QRFP: variants seen among roughly 807,000 people sequenced by gnomAD.
QRFP encodes the protein orexigenic neuropeptide QRFP.
Under a neutral mutation model 9.1 loss-of-function variants are expected in QRFP, and 7 were observed. That is an observed-to-expected ratio of 0.77 (90% CI 0.44 to 1.45). The LOEUF (loss-of-function observed/expected upper bound fraction) is 1.45. QRFP is among the 40% of genes most tolerant of loss of function. The pLI is 0.01. For missense variants in QRFP, 204 were observed against 185.4 expected (o/e 1.10, Z -0.58); for synonymous variants, 91 against 80.2 (o/e 1.13, Z -0.72).
intron 1 of QRFP, among the ~76,000 whole-genome samples, chr9:130,896,323 C>T (rs1831759231): frequency 6.6e-6 from 1 of 152,224 alleles, no homozygotes; most frequent in African/African-American, 2.4e-5. Context: ...CGGCAGATGC[C>T]CAGGACAGCA....
chr9:130,893,204 G>A lies in QRFP; in HGVS notation c.*224C>T, dbSNP rs916533480. The A allele has an allele frequency of 3.3e-4, 140 of 423,508 alleles. No homozygotes were observed. The highest frequency in any genetic ancestry group is 1.2e-3 in the Middle Eastern group (2 of 1,632). The allele number at this position is 423,508 out of a possible 1,614,324, so 26.2% of individuals were successfully genotyped here. A position where few individuals can be genotyped will look rare whatever the true frequency, so the allele number is the denominator to read the frequency against. Reference sequence around the variant, plus strand: ...GGGGAAGAGAGAGGCTGGGACGACCGAGGCTCCAAGACAGCCTCCTTTTTG... The same window carrying A: ...GGGGAAGAGAGAGGCTGGGACGACCAAGGCTCCAAGACAGCCTCCTTTTTG... On this transcript the variant is annotated 3_prime_UTR_variant, in exon 3 of 3. Coordinates refer to ENST00000623824, the MANE Select transcript of QRFP (RefSeq NM_198180.3).
rs201775271 is a variant in QRFP, at chr9:130,893,562, C to T, written c.277G>A (p.Glu93Lys). ...GCRFRFGRQDEGSEATGFLPA... is the reference protein window; with the variant it reads ...GCRFRFGRQDKGSEATGFLPA... The stretch of plus-strand genomic sequence containing the variant: ...AGGAAGCCGGTGGCCTCACTGCCTT[C>T]GTCCTGCCTCCCGAAGCGGAATCTG... The change falls in exon 3 of 3, where the codon GAA becomes AAA. Residue 93 changes from glutamate to lysine, a missense_variant. Glu to Lys is a moderately conservative substitution (Grantham distance 56). Transcript: ENST00000623824. The T allele has an allele frequency of 7.7e-5, 124 of 1,612,896 alleles. 2 individuals are homozygous for T. The Middle Eastern group carries it at 2.5e-3, about 32-fold the overall frequency.
Position 130,896,778 on chromosome 9 carries a change from C to T in QRFP, c.-487G>A, listed in dbSNP as rs76694982. 0.039 allele frequency: 6,004 copies of T among 152,424 alleles called. 179 individuals carry two copies. The highest frequency in any genetic ancestry group is 0.08 in the South Asian group (385 of 4,828). 9.4% of individuals were successfully genotyped at this position (152,424 alleles called of 1,614,324 possible). Reference sequence around the variant, plus strand: ...CCAGCTTCCATCCCCCAGGCCAGGGCTGCCTCCGATGGCCTGAGGTGCCCC... The same window carrying T: ...CCAGCTTCCATCCCCCAGGCCAGGGTTGCCTCCGATGGCCTGAGGTGCCCC... On this transcript the variant is annotated 5_prime_UTR_variant, in exon 1 of 3. Coordinates refer to ENST00000623824, the MANE Select transcript of QRFP (RefSeq NM_198180.3).
chr9:130,892,927 T>C lies in QRFP; in HGVS notation c.*501A>G, dbSNP rs1831702706. ...TCTTGCCAGGGGGATCTTGTGCTCA[T>C]GGCATGGAGAAGGGGATCGGGTTCT... On this transcript the variant is annotated 3_prime_UTR_variant, in exon 3 of 3. Coordinates refer to ENST00000623824, the MANE Select transcript of QRFP (RefSeq NM_198180.3). 1 of 152,376 alleles carries C rather than the reference T, an allele frequency of 6.6e-6. No homozygotes were observed. The highest frequency in any genetic ancestry group is 2.1e-4 in the South Asian group (1 of 4,834). The allele number at this position is 152,376 out of a possible 1,614,324, so 9.4% of individuals were successfully genotyped here. A position where few individuals can be genotyped will look rare whatever the true frequency, so the allele number is the denominator to read the frequency against.
intron 2 of QRFP, among the ~76,000 whole-genome samples, chr9:130,894,720 G>A (rs904287536): frequency 3.0e-4 from 46 of 152,278 alleles, no homozygotes; most frequent in Admixed American, 1.2e-3. Context: ...CAGTGCCAGA[G>A]CTAGAGTTCA....
Position 130,893,671 on chromosome 9 carries a change from A to G in QRFP, c.168T>C (p.Ser56=). 6.2e-7 allele frequency: 1 copy of G among 1,602,432 alleles called. No homozygotes were observed. The highest frequency in any genetic ancestry group is 1.7e-5 in the Admixed American group (1 of 58,444). Residue 56 remains serine, a synonymous_variant, in exon 3 of 3, where the codon TCT becomes TCC. Coordinates refer to ENST00000623824, the MANE Select transcript of QRFP (RefSeq NM_198180.3). ...GPRPHSVWGS[S]RWLRASQPQA... ...GTGGCTGTGAAGCTCTCAGCCACCGAGAGGAACCCCACACGGAGTGGGGTC... is the reference window on the plus strand; with the variant it reads ...GTGGCTGTGAAGCTCTCAGCCACCGGGAGGAACCCCACACGGAGTGGGGTC...
At position 130,893,399 on chromosome 9, in the gene QRFP, A is replaced by G. The variant is rs761253654; in HGVS notation, c.*29T>C. 9 of 1,539,268 alleles carry G rather than the reference A, an allele frequency of 5.8e-6. No individual in the cohort carries two copies. The highest frequency in any genetic ancestry group is 1.7e-4 in the Middle Eastern group (1 of 5,720). On this transcript the variant is annotated 3_prime_UTR_variant, in exon 3 of 3. Coordinates refer to ENST00000623824, the MANE Select transcript of QRFP (RefSeq NM_198180.3). Reference sequence around the variant, plus strand: ...GAAGACAATGGGGGTGAGTCCAAGAAGCAAATCCTTCCAAGGCGTCCTGGC... The same window carrying G: ...GAAGACAATGGGGGTGAGTCCAAGAGGCAAATCCTTCCAAGGCGTCCTGGC...
In QRFP at chr9:130,893,675, G is replaced by A. The variant is rs1831718517; in HGVS notation, c.164C>T (p.Ser55Phe). Residue 55 changes from serine (S) to phenylalanine (F), a missense_variant, in exon 3 of 3, where the codon TCC becomes TTC. Transcript: ENST00000623824. ...MGPRPHSVWG[S>F]SRWLRASQPQ... Reference sequence around the variant, plus strand: ...CTGTGAAGCTCTCAGCCACCGAGAGGAACCCCACACGGAGTGGGGTCGGGG... The same window carrying A: ...CTGTGAAGCTCTCAGCCACCGAGAGAAACCCCACACGGAGTGGGGTCGGGG... The A allele has an allele frequency of 6.2e-7, 1 of 1,603,998 alleles. No individual in the cohort carries two copies.
rs767555806 is a variant in QRFP at position 130,893,556 on chromosome 9, T to C, written c.283A>G (p.Ser95Gly). ...GCAGGGAGGAAGCCGGTGGCCTCAC[T>C]GCCTTCGTCCTGCCTCCCGAAGCGG... ...RFRFGRQDEG[S>G]EATGFLPAAG... is the part of the protein sequence containing the mutation. Residue 95 changes from serine (S) to glycine (G), a missense_variant, in exon 3 of 3, where the codon AGT becomes GGT. Coordinates refer to ENST00000623824, the MANE Select transcript of QRFP (RefSeq NM_198180.3). The C allele has an allele frequency of 8.1e-5, 130 of 1,612,860 alleles. No homozygotes were observed. Among genetic ancestry groups the C allele is most frequent in the Non-Finnish European group, 1.1e-4 (127 of 1,179,848 alleles).
chr9:130,895,184 C>A (rs567553884), intron 2 of QRFP, among the ~76,000 whole-genome samples: 1 of 152,322 alleles, frequency 6.6e-6, no homozygotes, highest in Non-Finnish European at 1.5e-5. Context: ...AGAGTGGGGG[C>A]TTCCACGAGG....
intron 2 of QRFP, among the ~76,000 whole-genome samples, chr9:130,895,403 G>A (rs113532932): frequency 2.0e-5 from 3 of 152,218 alleles, no homozygotes; most frequent in Non-Finnish European, 4.4e-5. Flanking sequence ...CAAGAATCTG[G>A]TAGAAAGTGG....
In QRFP at chr9:130,893,340, C is replaced by G. The variant is rs7029748; in HGVS notation, c.*88G>C. Reference sequence around the variant, plus strand: ...AACCAAGCCTACATCATCTGGGTGTCGTGGTCTTTGAGACTGGGGGAGAAG... The same window carrying G: ...AACCAAGCCTACATCATCTGGGTGTGGTGGTCTTTGAGACTGGGGGAGAAG... On this transcript the variant is annotated 3_prime_UTR_variant, in exon 3 of 3. Transcript: ENST00000623824. 73,267 of 1,334,358 alleles carry G rather than the reference C, an allele frequency of 0.055. 4,106 individuals carry two copies. Among genetic ancestry groups the G allele is most frequent in the African/African-American group, 0.28 (18,870 of 68,102 alleles). 82.7% of individuals were successfully genotyped at this position (1,334,358 alleles called of 1,614,324 possible).
At position 130,893,988 on chromosome 9, in the gene QRFP, A is replaced by G. The variant is rs936637369; in HGVS notation, c.1-150T>C. 1.3e-5 allele frequency: 8 copies of G among 634,900 alleles called. No homozygotes were observed. In the African/African-American group the frequency reaches 1.3e-4, roughly 10 times the overall value. The allele number at this position is 634,900 out of a possible 1,614,324, so 39.3% of individuals were successfully genotyped here. A position where few individuals can be genotyped will look rare whatever the true frequency, so the allele number is the denominator to read the frequency against. On this transcript the variant is annotated intron_variant, in intron 2 of 2. Coordinates refer to ENST00000623824, the MANE Select transcript of QRFP (RefSeq NM_198180.3). ...TTCCGAGCAGTGCTGGGACTAGGCCACTGTTTTATTAGCAGGATCAGGAGG... is the reference window on the plus strand; with the variant it reads ...TTCCGAGCAGTGCTGGGACTAGGCCGCTGTTTTATTAGCAGGATCAGGAGG...
At position 130,893,344 on chromosome 9, in the gene QRFP, G is replaced by T; in HGVS notation, c.*84C>A. ...AAGCCTACATCATCTGGGTGTCGTG[G>T]TCTTTGAGACTGGGGGAGAAGGCAG... On this transcript the variant is annotated 3_prime_UTR_variant, in exon 3 of 3. Transcript: ENST00000623824. 2 of 1,377,524 alleles carry T rather than the reference G, an allele frequency of 1.5e-6. No homozygotes were observed. Among genetic ancestry groups the T allele is most frequent in the Middle Eastern group, 1.9e-4 (1 of 5,340 alleles). 85.3% of individuals were successfully genotyped at this position (1,377,524 alleles called of 1,614,324 possible). A position where few individuals can be genotyped will look rare whatever the true frequency, so the allele number is the denominator to read the frequency against.
At position 130,893,321 on chromosome 9, in the gene QRFP, G is replaced by T; in HGVS notation, c.*107C>A. 8.3e-7 allele frequency: 1 copy of T among 1,207,574 alleles called. No individual in the cohort carries two copies. Among genetic ancestry groups the T allele is most frequent in the Non-Finnish European group, 1.2e-6 (1 of 859,404 alleles). 74.8% of individuals were successfully genotyped at this position (1,207,574 alleles called of 1,614,324 possible). On this transcript the variant is annotated 3_prime_UTR_variant, in exon 3 of 3. Coordinates refer to ENST00000623824, the MANE Select transcript of QRFP (RefSeq NM_198180.3). ...ACCATGGATCGTTCATCGTAACCAA[G>T]CCTACATCATCTGGGTGTCGTGGTC...
Position 130,892,739 on chromosome 9 carries a change from A to ATACAC in QRFP, c.*684_*688dup, listed in dbSNP as rs1297037796. The ATACAC allele has an allele frequency of 6.6e-6, 1 of 152,228 alleles. No homozygotes were observed. The highest frequency in any genetic ancestry group is 2.4e-5 in the African/African-American group (1 of 41,450). The allele number at this position is 152,228 out of a possible 1,614,324, so 9.4% of individuals were successfully genotyped here. ...GTTGTCACAACTTTTATTTGAAAAG[A>ATACAC]TACACACGACATATTCTGATTTTGA... On this transcript the variant is annotated 3_prime_UTR_variant, in exon 3 of 3. Coordinates refer to ENST00000623824, the MANE Select transcript of QRFP (RefSeq NM_198180.3).
At position 130,893,443 on chromosome 9, in the gene QRFP, G is replaced by T; in HGVS notation, c.396C>A (p.Arg132=). The T allele has an allele frequency of 6.3e-7, 1 of 1,586,228 alleles. No individual in the cohort carries two copies. Among genetic ancestry groups the T allele is most frequent in the South Asian group, 1.1e-5 (1 of 89,074 alleles). The change falls in exon 3 of 3, where the codon CGC becomes CGA. Residue 132 remains arginine (R), a synonymous_variant. Transcript: ENST00000623824. ...TCCTGGCCCTTCACCGCCGACCGAAGCGGAAGCTGAAGCCGCCTTTCTTCC... is the reference window on the plus strand; with the variant it reads ...TCCTGGCCCTTCACCGCCGACCGAATCGGAAGCTGAAGCCGCCTTTCTTCC... The part of the protein sequence containing the change: ...YSRKKGGFSF[R]FGRR
chr9:130,893,230 A>ACC lies in QRFP; in HGVS notation c.*197_*198insGG, dbSNP rs1296870685. Reference sequence around the variant, plus strand: ...AGGCTCCAAGACAGCCTCCTTTTTGACACTGCCTAGTTTTTCGCTTCAGCA... The same window carrying ACC: ...AGGCTCCAAGACAGCCTCCTTTTTGACCCACTGCCTAGTTTTTCGCTTCAGCA... On this transcript the variant is annotated 3_prime_UTR_variant, in exon 3 of 3. Coordinates refer to ENST00000623824, the MANE Select transcript of QRFP (RefSeq NM_198180.3). 7.9e-6 allele frequency: 4 copies of ACC among 508,742 alleles called. No homozygotes were observed. Among genetic ancestry groups the ACC allele is most frequent in the Non-Finnish European group, 9.9e-6 (3 of 303,802 alleles). 31.5% of individuals were successfully genotyped at this position (508,742 alleles called of 1,614,324 possible). A position where few individuals can be genotyped will look rare whatever the true frequency, so the allele number is the denominator to read the frequency against.
intron 1 of QRFP, 41 bp downstream of exon 1, chr9:130,896,535 AG>A (rs1831762839): frequency 1.3e-5 from 2 of 152,188 alleles, no homozygotes; most frequent in Admixed American, 6.5e-5. Context: ...CTGAGCACAG[AG>A]GGCCTCCCCC....
Sources: gnomAD v4.1 joint callset for allele counts (sites outside exome capture counted in the v4.1 genomes callset) on GRCh38, gnomAD v4.1.1 for gene constraint, MANE v1.5 for transcripts, NCBI Gene and HGNC (gene_info 2026-07-23, HGNC 2026-07-21) for gene names.